The following MACROD2 variants were observed in gnomAD, a reference collection of about 807,000 sequenced individuals.
MACROD2 encodes the protein ADP-ribose glycohydrolase MACROD2.
Under a neutral mutation model 70.4 loss-of-function variants are expected in MACROD2, and 36 were observed. The observed-to-expected ratio is 0.51, with a 90% CI of 0.39 to 0.68. The LOEUF (loss-of-function observed/expected upper bound fraction) is 0.68, where lower values mean the gene tolerates loss of function less well. MACROD2 is among the 30% of genes least tolerant of loss of function. The pLI is 0.00. For synonymous variants in MACROD2, 172 were observed against 178.8 expected (o/e 0.96, Z 0.30); for missense variants, 496 against 538.4 (o/e 0.92, Z 0.78).
intron 4 of MACROD2, among the ~76,000 whole-genome samples, chr20:14,564,534 C>T (rs1180876745): frequency 4.0e-5 from 6 of 151,678 alleles, no homozygotes; most frequent in Admixed American, 2.6e-4. Context: ...AAAAAGTGGG[C>T]AAAGGACATG....
intron 15 of MACROD2, 78 bp from the exon 16 acceptor site, chr20:16,041,123 G>C: frequency 1.7e-6 from 2 of 1,207,068 alleles, no homozygotes; most frequent in Non-Finnish European, 2.4e-6. Context: ...AAGGGCAATG[G>C]AGGGTGACAG....
chr20:15,015,397 C>T (rs979644836), intron 5 of MACROD2, among the ~76,000 whole-genome samples: 1 of 151,722 alleles, frequency 6.6e-6, no homozygotes, highest in East Asian at 1.9e-4. Flanking sequence ...ATGCTTAAAA[C>T]TGTACTGTGA....
chr20:15,135,874 A>T (rs1176329678), intron 5 of MACROD2, among the ~76,000 whole-genome samples: 9 of 151,752 alleles, frequency 5.9e-5, no homozygotes, highest in Admixed American at 1.3e-4. Flanking sequence ...AAGTCTCAGG[A>T]TACAAAATCA....
intron 6 of MACROD2, among the ~76,000 whole-genome samples, chr20:15,406,863 G>A (rs548484737): frequency 2.6e-5 from 4 of 152,242 alleles, no homozygotes; most frequent in East Asian, 3.9e-4. Flanking sequence ...GCGACGTGTC[G>A]AGTCTTGAAT....
intron 5 of MACROD2, chr20:14,905,293 C>T: frequency 6.6e-6 from 1 of 152,020 alleles, no homozygotes; most frequent in East Asian, 1.9e-4. Context: ...ACATTCAATT[C>T]AGAAAGAATA....
At chr20:14,038,644 T>A (rs2053350324) in intron 2 of MACROD2, among the ~76,000 whole-genome samples, 1 of 152,240 alleles carries the variant, frequency 6.6e-6, no homozygotes. Context: ...TATTTTATGC[T>A]GTGCATTATG....
At chr20:14,683,144 G>T (rs1181994304) in intron 4 of MACROD2, among the ~76,000 whole-genome samples, 3 of 152,116 alleles carry the variant, frequency 2.0e-5, no homozygotes, top group African/African-American at 7.2e-5. Context: ...CTCCTAAAGT[G>T]CTGGGATTAC....
intron 5 of MACROD2, among the ~76,000 whole-genome samples, chr20:14,879,998 C>T (rs1362881600): frequency 6.6e-6 from 1 of 152,072 alleles, no homozygotes; most frequent in Non-Finnish European, 1.5e-5. Context: ...TCTTTTTAGC[C>T]TCGTGAGAGC....
chr20:15,358,811 C>CT (rs11471817), intron 6 of MACROD2, among the ~76,000 whole-genome samples: 9,083 of 146,960 alleles, frequency 0.062, 885 homozygotes, highest in African/African-American at 0.21. Context: ...GCTCTTGTTC[C>CT]TTTTTTTTTT....
At chr20:14,177,995 A>G (rs2081276679) in intron 3 of MACROD2, among the ~76,000 whole-genome samples, 1 of 152,182 alleles carries the variant, frequency 6.6e-6, no homozygotes, top group Non-Finnish European at 1.5e-5. Flanking sequence ...GAGAAGATTG[A>G]TAAATTTAAC....
chr20:14,093,950 T>G (rs184952092), intron 3 of MACROD2, among the ~76,000 whole-genome samples: 1 of 152,008 alleles, frequency 6.6e-6, no homozygotes, highest in East Asian at 1.9e-4. Flanking sequence ...GATCATGAAG[T>G]GCTTTGTATG....
At chr20:15,729,427 C>A (rs1450686399) in intron 8 of MACROD2, among the ~76,000 whole-genome samples, 4 of 152,068 alleles carry the variant, frequency 2.6e-5, no homozygotes, top group African/African-American at 9.7e-5. Context: ...AAGTTCAGGT[C>A]CTGAATATCT....
chr20:14,297,291 T>C (rs1016796600), intron 3 of MACROD2, among the ~76,000 whole-genome samples: 1 of 151,856 alleles, frequency 6.6e-6, no homozygotes, highest in African/African-American at 2.4e-5. Context: ...TGTCTCTCAC[T>C]TAAAATCAAA....
chr20:14,862,815 A>C (rs1316033003), intron 5 of MACROD2, among the ~76,000 whole-genome samples: 1 of 145,776 alleles, frequency 6.9e-6, no homozygotes, highest in Admixed American at 7.4e-5. Flanking sequence ...CCTAATGGGC[A>C]CAGAATTTTC....
chr20:15,222,294 CAATT>C (rs1454915696), intron 5 of MACROD2, among the ~76,000 whole-genome samples: 3 of 152,106 alleles, frequency 2.0e-5, no homozygotes, highest in African/African-American at 4.8e-5. Context: ...ATCTTATAGA[CAATT>C]GATTGTTTCT....
At chr20:14,592,712 T>C (rs1341481997) in intron 4 of MACROD2, among the ~76,000 whole-genome samples, 2 of 152,218 alleles carry the variant, frequency 1.3e-5, no homozygotes, top group Non-Finnish European at 2.9e-5. Context: ...GATCATTTAT[T>C]AGCAGTAGCT....
chr20:14,994,943 A>C (rs1600923499), intron 5 of MACROD2, among the ~76,000 whole-genome samples: 1 of 152,272 alleles, frequency 6.6e-6, no homozygotes, highest in East Asian at 1.9e-4. Flanking sequence ...GTTTGAGAGA[A>C]GCCTAGGCAA....
chr20:14,490,058 G>A (rs887787597), intron 3 of MACROD2, among the ~76,000 whole-genome samples: 1 of 152,056 alleles, frequency 6.6e-6, no homozygotes, highest in Non-Finnish European at 1.5e-5. Context: ...AAATTAATGT[G>A]TTATTGAAAA....
intron 4 of MACROD2, among the ~76,000 whole-genome samples, chr20:14,607,296 TTTCTATCAA>T (rs1386880766): frequency 1.1e-4 from 17 of 152,130 alleles, no homozygotes; most frequent in Admixed American, 1.1e-3. Context: ...TGGAAATTGA[TTTCTATCAA>T]TTCTATATGA....
Sources: allele counts gnomAD v4.1 joint callset (sites outside exome capture counted in the v4.1 genomes callset), GRCh38; gene constraint gnomAD v4.1.1; transcripts MANE v1.5; gene names NCBI Gene and HGNC (gene_info 2026-07-23, HGNC 2026-07-21).